The following TTC7A variants were observed in gnomAD, a reference collection of about 807,000 sequenced individuals.
TTC7A encodes tetratricopeptide repeat protein 7A.
A neutral mutation model predicts 103.7 loss-of-function variants in TTC7A; 110 were observed. The ratio of observed to expected loss-of-function variants is 1.06; its 90% CI spans 0.91 to 1.24. The LOEUF is 1.24. Ranked by LOEUF, TTC7A falls within the 50% of genes most tolerant of loss-of-function variation. The pLI, the probability that TTC7A is intolerant of heterozygous loss-of-function variation, is 0.00. For missense variants in TTC7A, 1,340 were observed against 1,116.3 expected, an observed-to-expected ratio of 1.20 and a Z score of -2.86; for synonymous variants, 521 against 467.9, an observed-to-expected ratio of 1.11 and a Z score of -1.47.
intron 1 of TTC7A, among the ~76,000 whole-genome samples, chr2:46,947,964 G>C (rs1481733953): frequency 6.6e-6 from 1 of 152,152 alleles, no homozygotes; most frequent in African/African-American, 2.4e-5. Flanking sequence ...GAGCAGCCTG[G>C]GTCCAAAGGG....
intron 2 of TTC7A, among the ~76,000 whole-genome samples, chr2:46,926,524 C>T (rs916315021): frequency 6.6e-6 from 1 of 152,172 alleles, no homozygotes; most frequent in African/African-American, 2.4e-5. Flanking sequence ...ATAGATGAGC[C>T]TTCTCATGGA....
chr2:47,011,352 C>T lies in TTC7A; in HGVS notation c.1309C>T (p.Leu437=). ...GCAGTCAGCCTACGCTGTGTCCCTG[C>T]TGCGGGAGTGTGTGAAGTTGCGGCC... ...CGKSAYAVSL[L]RECVKLRPSD... Residue 437 remains leucine (L), a synonymous_variant, in exon 11 of 20, where the codon CTG becomes TTG. Coordinates refer to ENST00000319190, the MANE Select transcript of TTC7A (RefSeq NM_020458.4). 1 of 1,613,490 alleles carries T rather than the reference C, an allele frequency of 6.2e-7. No individual in the cohort carries two copies. Among genetic ancestry groups the T allele is most frequent in the South Asian group, 1.1e-5 (1 of 91,020 alleles).
intron 8 of TTC7A, 84 bp from the exon 9 acceptor site, chr2:47,005,838 G>T: frequency 6.6e-7 from 1 of 1,517,054 alleles, no homozygotes; most frequent in Admixed American, 1.7e-5. Flanking sequence ...ATAGCGGCTG[G>T]GCCAGCAAGG....
At chr2:47,027,484 A>G (rs1160980037) in intron 14 of TTC7A, among the ~76,000 whole-genome samples, 1 of 152,272 alleles carries the variant, frequency 6.6e-6, no homozygotes, top group Non-Finnish European at 1.5e-5. Flanking sequence ...GATAGAAGAT[A>G]GCATTTTTGC....
Position 47,006,703 on chromosome 2 carries a change from C to T in TTC7A, c.1266C>T (p.Leu422=), listed in dbSNP as rs765529675. The change falls in exon 10 of 20, where the codon CTC becomes CTT. Residue 422 remains leucine, a synonymous_variant. Coordinates refer to ENST00000319190, the MANE Select transcript of TTC7A (RefSeq NM_020458.4). ...TTCACCTTTGGTACCAGGTGGCCCT[C>T]TCCATGGTGGCTTGTGGGAAGGTAA... is the stretch of plus-strand genomic sequence containing the variant. ...GEFHLWYQVA[L]SMVACGKSAY... The T allele has an allele frequency of 1.2e-6, 2 of 1,614,104 alleles. No homozygotes were observed. Among genetic ancestry groups the T allele is most frequent in the African/African-American group, 1.3e-5 (1 of 75,038 alleles).
intron 14 of TTC7A, among the ~76,000 whole-genome samples, chr2:47,028,409 G>A (rs1335266174): frequency 1.3e-5 from 2 of 152,230 alleles, no homozygotes; most frequent in East Asian, 1.9e-4. Flanking sequence ...CAGGGTTGGC[G>A]GGAGCAGTAG....
intron 17 of TTC7A, among the ~76,000 whole-genome samples, chr2:47,051,380 G>A (rs183460696): frequency 5.8e-4 from 89 of 152,228 alleles, no homozygotes; most frequent in South Asian, 2.5e-3. Flanking sequence ...TTTAATGATC[G>A]CAGAGTCTGG....
chr2:47,029,106 C>T (rs1444298537), intron 14 of TTC7A, 118 bp from the exon 15 acceptor site: 3 of 1,234,562 alleles, frequency 2.4e-6, no homozygotes, highest in East Asian at 2.4e-5. Context: ...CTCCCTGCCC[C>T]CAGTGCCTGG....
chr2:46,964,546 A>T (rs950254542), intron 3 of TTC7A, among the ~76,000 whole-genome samples: 1 of 152,058 alleles, frequency 6.6e-6, no homozygotes, highest in African/African-American at 2.4e-5. Context: ...ATGGTTCAGC[A>T]CTCTGTCTGG....
chr2:47,010,950 T>A (rs1025001445), intron 10 of TTC7A, among the ~76,000 whole-genome samples: 2 of 152,218 alleles, frequency 1.3e-5, no homozygotes, highest in Admixed American at 1.3e-4. Flanking sequence ...TCTGCCTGCC[T>A]CGGTCTCCCA....
Position 46,941,703 on chromosome 2 carries a change from A to G in TTC7A, c.162A>G (p.Ala54=), listed in dbSNP as rs776259833. The G allele has an allele frequency of 7.6e-5, 118 of 1,550,604 alleles. No homozygotes were observed. Among genetic ancestry groups the G allele is most frequent in the Non-Finnish European group, 1.0e-4 (116 of 1,147,364 alleles). ...GTAACAGGCGAGGCAGCCCGAGCGC[A>G]GCGTTCACCTTTCCGGACACCGGTG... is the stretch of plus-strand genomic sequence containing the variant. ...GGGNRRGSPS[A]AFTFPDTDDF... is the part of the protein sequence containing the mutation. Residue 54 remains alanine, a synonymous_variant, in exon 1 of 20, where the codon GCA becomes GCG. Coordinates refer to ENST00000319190, the MANE Select transcript of TTC7A (RefSeq NM_020458.4). This position sits in a 1 kb window ranked among gnomAD's most constrained non-coding sequence, Gnocchi z 4.2.
At chr2:46,947,815 A>C (rs28529158) in intron 1 of TTC7A, among the ~76,000 whole-genome samples, 1 of 152,180 alleles carries the variant, frequency 6.6e-6, no homozygotes, top group Non-Finnish European at 1.5e-5. Flanking sequence ...CTACCTCCCA[A>C]TTTTTTAGTA....
rs4953452 is a variant in TTC7A, at chr2:47,057,344, A to G, written c.2153-3425A>G. Among the ~76,000 whole-genome samples, 1,213 of 152,282 alleles carry G rather than the reference A, an allele frequency of 8.0e-3. 14 individuals are homozygous for G. The highest frequency in any genetic ancestry group is 0.028 in the Admixed American group (423 of 15,304). Reference sequence around the variant, plus strand: ...AACTGGGAATGGAGCCCATCAGTGGAGCAGCCCTAACGGTTCTTCAGGGCG... The same window carrying G: ...AACTGGGAATGGAGCCCATCAGTGGGGCAGCCCTAACGGTTCTTCAGGGCG... On this transcript the variant is annotated intron_variant, in intron 18 of 19. Transcript: ENST00000319190.
At chr2:46,936,233 A>G (rs1008824711), upstream of TTC7A, among the ~76,000 whole-genome samples, 4 of 152,180 alleles carry the variant, frequency 2.6e-5, no homozygotes, top group African/African-American at 9.7e-5. Context: ...TATCTGCCTT[A>G]TTACTAACAA....
chr2:47,062,236 A>G (rs1683850333), intron 19 of TTC7A, among the ~76,000 whole-genome samples: 1 of 152,238 alleles, frequency 6.6e-6, no homozygotes. Flanking sequence ...AGACCAGGTC[A>G]TCTTCATCAG....
At chr2:47,042,675 AGTGTGTGTGTGTGTGT>A (rs10587096) in intron 15 of TTC7A, among the ~76,000 whole-genome samples, 1 of 148,398 alleles carries the variant, frequency 6.7e-6, no homozygotes, top group Admixed American at 6.7e-5. Context: ...CTGAGCCCCA[AGTGTGTGTGTGTGTGT>A]GTGTGTGTGT....
chr2:46,981,158 G>T (rs948497942), intron 5 of TTC7A, among the ~76,000 whole-genome samples: 2 of 151,984 alleles, frequency 1.3e-5, no homozygotes, highest in Non-Finnish European at 2.9e-5. Flanking sequence ...GATCCCCCCC[G>T]CCACTTTAAA....
intron 18 of TTC7A, chr2:47,054,087 A>C (rs1683122160): frequency 1.0e-6 from 1 of 983,320 alleles, no homozygotes; most frequent in Admixed American, 6.1e-5. Flanking sequence ...TCATTGTCTT[A>C]GATATTCACT....
At chr2:47,026,789 A>T (rs536075326) in intron 14 of TTC7A, among the ~76,000 whole-genome samples, 1 of 152,324 alleles carries the variant, frequency 6.6e-6, no homozygotes, top group South Asian at 2.1e-4. Context: ...TGGACACTGA[A>T]ATAGGTTTAA....
Sources: allele counts gnomAD v4.1 joint callset (sites outside exome capture counted in the v4.1 genomes callset), GRCh38; gene constraint gnomAD v4.1.1; non-coding constraint Gnocchi (gnomAD v3.1); transcripts MANE v1.5; gene names NCBI Gene and HGNC (gene_info 2026-07-23, HGNC 2026-07-21).